PLXNA2: variants seen among roughly 807,000 people sequenced by gnomAD.
The protein encoded by PLXNA2 is plexin A2, also known as plexin-A2.
PLXNA2 carries 91 observed loss-of-function variants against 193.5 expected under a neutral mutation model. That is an observed-to-expected ratio of 0.47 (90% confidence interval 0.40 to 0.56). The LOEUF is 0.56. PLXNA2 is among the 20% of genes least tolerant of loss of function. The pLI is 0.00. For missense variants in PLXNA2, 1,995 were observed against 2,503.2 expected, an observed-to-expected ratio of 0.80 and a Z score of 4.33; for synonymous variants, 997 against 1,027.3, an observed-to-expected ratio of 0.97 and a Z score of 0.56.
At chr1:208,107,708 G>A (rs1213865084) in intron 4 of PLXNA2, among the ~76,000 whole-genome samples, 1 of 152,262 alleles carries the variant, frequency 6.6e-6, no homozygotes, top group African/African-American at 2.4e-5. Context: ...ACTTTAATTA[G>A]CATTTGTTTA....
At chr1:208,184,450 C>T (rs955216540) in intron 3 of PLXNA2, among the ~76,000 whole-genome samples, 2 of 151,578 alleles carry the variant, frequency 1.3e-5, no homozygotes, top group African/African-American at 4.9e-5. Flanking sequence ...GGAAAGTATA[C>T]CAAGGCCAGC....
intron 18 of PLXNA2, among the ~76,000 whole-genome samples, chr1:208,045,622 G>A (rs971146862): frequency 2.0e-5 from 3 of 152,188 alleles, no homozygotes; most frequent in Non-Finnish European, 2.9e-5. Flanking sequence ...CCAACTCACT[G>A]CAGTACCTCT....
At chr1:208,126,941 C>T (rs1667990988) in intron 4 of PLXNA2, among the ~76,000 whole-genome samples, 1 of 152,190 alleles carries the variant, frequency 6.6e-6, no homozygotes, top group Non-Finnish European at 1.5e-5. Flanking sequence ...TCCAATTCAG[C>T]ACCTTTATAA....
chr1:208,115,498 C>CAGCTGTATACATGT (rs1327464818), intron 4 of PLXNA2, among the ~76,000 whole-genome samples: 2 of 152,170 alleles, frequency 1.3e-5, no homozygotes, highest in African/African-American at 4.8e-5. Flanking sequence ...AGCTGGGACT[C>CAGCTGTATACATGT]GCACTCAGGC....
chr1:208,032,204 T>C, intron 28 of PLXNA2: 1 of 924,596 alleles, frequency 1.1e-6, no homozygotes, highest in Non-Finnish European at 1.3e-6. Context: ...AGGCTTAGGA[T>C]GTTAGTGACC....
At chr1:208,073,627 C>T (rs1246387481) in intron 12 of PLXNA2, among the ~76,000 whole-genome samples, 2 of 152,180 alleles carry the variant, frequency 1.3e-5, no homozygotes, top group East Asian at 1.9e-4. Context: ...ACTCTTGTCT[C>T]CTCAAAATTC....
intron 3 of PLXNA2, among the ~76,000 whole-genome samples, chr1:208,183,607 A>AGGGGG (rs367756173): frequency 3.3e-4 from 35 of 105,106 alleles, no homozygotes; most frequent in Non-Finnish European, 4.2e-4. Flanking sequence ...AGAGAGGGAG[A>AGGGGG]GGGGGGGGTC....
chr1:208,108,139 C>T (rs1187079093), intron 4 of PLXNA2, among the ~76,000 whole-genome samples: 1 of 152,088 alleles, frequency 6.6e-6, no homozygotes, highest in African/African-American at 2.4e-5. Flanking sequence ...GAGTGTGGGG[C>T]AGTTTTCCTT....
chr1:208,028,203 C>T lies in PLXNA2; in HGVS notation c.5439-44G>A. The T allele has an allele frequency of 6.4e-7, 1 of 1,555,226 alleles. No homozygotes were observed. Among genetic ancestry groups the T allele is most frequent in the Non-Finnish European group, 8.7e-7 (1 of 1,147,898 alleles). On this transcript the variant is annotated intron_variant, in intron 30 of 31. Transcript: ENST00000367033. The surrounding 1 kb of genome is among the most constrained non-coding windows in gnomAD (Gnocchi z 4.2). The stretch of plus-strand genomic sequence containing the variant: ...GCGCCTTGGTGGAGGCCTCAGCAAA[C>T]ATTTACCTATAGCTACCCCGGGCCC...
chr1:208,054,499 G>C lies in PLXNA2; in HGVS notation c.2778C>G (p.Thr926=), dbSNP rs533530336. The C allele has an allele frequency of 1.2e-6, 2 of 1,614,130 alleles. No individual in the cohort carries two copies. The highest frequency in any genetic ancestry group is 1.7e-6 in the Non-Finnish European group (2 of 1,180,032). ...CAATACACAGGCGTACTGGCCCGGA[G>C]GTGGTTCCCACGAGGGCATGGCCCA... ...CEMGHALVGT[T]SGPVRLCIGE... Residue 926 remains threonine (T), a synonymous_variant, in exon 14 of 32, where the codon ACC becomes ACG. Coordinates refer to ENST00000367033, the MANE Select transcript of PLXNA2 (RefSeq NM_025179.4).
At chr1:208,075,708 A>AT (rs1666124559) in intron 12 of PLXNA2, among the ~76,000 whole-genome samples, 1 of 151,968 alleles carries the variant, frequency 6.6e-6, no homozygotes, top group African/African-American at 2.4e-5. Context: ...TTACTTCTAC[A>AT]TTTTTTAGTT....
intron 13 of PLXNA2, 134 bp from the exon 14 acceptor site, chr1:208,054,672 C>T (rs2102340037): frequency 1.5e-6 from 1 of 675,776 alleles, no homozygotes; most frequent in Non-Finnish European, 2.7e-6. Flanking sequence ...CTTGGTCATC[C>T]ATCTTGCTGT....
At chr1:208,084,659 G>A (rs1216525083) in intron 9 of PLXNA2, 79 bp from the exon 10 acceptor site, 9 of 1,388,066 alleles carry the variant, frequency 6.5e-6, no homozygotes, top group Non-Finnish European at 9.0e-6. Flanking sequence ...GGCCCCTCTT[G>A]TATCAGGTGA....
chr1:208,169,092 A>T (rs1019609687), intron 3 of PLXNA2, among the ~76,000 whole-genome samples: 20 of 151,998 alleles, frequency 1.3e-4, no homozygotes, highest in African/African-American at 4.8e-4. Flanking sequence ...TGGCCTGTGG[A>T]TGCTCTCAGA....
intron 4 of PLXNA2, among the ~76,000 whole-genome samples, chr1:208,107,152 G>C (rs1483485768): frequency 6.6e-6 from 1 of 152,204 alleles, no homozygotes; most frequent in African/African-American, 2.4e-5. Flanking sequence ...TCTCAAACCA[G>C]CACCATTGGT....
At chr1:208,130,635 T>C (rs1218227378) in intron 4 of PLXNA2, among the ~76,000 whole-genome samples, 1 of 152,164 alleles carries the variant, frequency 6.6e-6, no homozygotes, top group Admixed American at 6.5e-5. Context: ...GAGGCTCCAG[T>C]TGACCTTGAC....
intron 1 of PLXNA2, among the ~76,000 whole-genome samples, chr1:208,226,711 C>A (rs537486862): frequency 1.3e-5 from 2 of 152,328 alleles, no homozygotes; most frequent in East Asian, 3.9e-4. Flanking sequence ...GCCACCCGGG[C>A]AGAGCTGAGA....
rs1672159503 is a variant in PLXNA2, at chr1:208,244,279, C to T, written c.-717G>A. On this transcript the variant is annotated 5_prime_UTR_variant, in exon 1 of 32. Coordinates refer to ENST00000367033, the MANE Select transcript of PLXNA2 (RefSeq NM_025179.4). ...CTCCAGTCTGGCGCGGATGCCGCTCCTCCCGGCAGCTCTGGCTCCCGCGGT... is the reference window on the plus strand; with the variant it reads ...CTCCAGTCTGGCGCGGATGCCGCTCTTCCCGGCAGCTCTGGCTCCCGCGGT... 1.6e-5 allele frequency: 3 copies of T among 193,502 alleles called. No homozygotes were observed. The highest frequency in any genetic ancestry group is 1.7e-4 in the East Asian group (1 of 5,746). The allele number at this position is 193,502 out of a possible 1,614,324, so 12.0% of individuals were successfully genotyped here.
At chr1:208,084,187 T>C (rs1666435834) in intron 10 of PLXNA2, among the ~76,000 whole-genome samples, 193 bp downstream of exon 10, 1 of 152,230 alleles carries the variant, frequency 6.6e-6, no homozygotes, top group Non-Finnish European at 1.5e-5. Context: ...CGGAACTGTC[T>C]CCTCTGGCAC....
Sources: allele counts gnomAD v4.1 joint callset (sites outside exome capture counted in the v4.1 genomes callset), GRCh38; gene constraint gnomAD v4.1.1; non-coding constraint Gnocchi (gnomAD v3.1); transcripts MANE v1.5; gene names NCBI Gene and HGNC (gene_info 2026-07-23, HGNC 2026-07-21).